Variants in SYT1 observed in about 807,000 individuals in gnomAD.
The protein encoded by SYT1 is synaptotagmin-1.
In SYT1, 8 loss-of-function variants were observed where a neutral mutation model predicts 44.8. The observed-to-expected ratio is 0.18, with a 90% confidence interval of 0.10 to 0.32. The LOEUF is 0.32. Ranked by LOEUF, SYT1 falls within the 10% of genes least tolerant of loss-of-function variation. The pLI is 1.00. For missense variants in SYT1, 286 were observed against 509.3 expected (o/e 0.56, Z 4.22); for synonymous variants, 154 against 188.8 (o/e 0.82, Z 1.51).
At chr12:79,118,833 C>T (rs1453613495) in intron 3 of SYT1, among the ~76,000 whole-genome samples, 1 of 152,178 alleles carries the variant, frequency 6.6e-6, no homozygotes, top group Non-Finnish European at 1.5e-5. Context: ...CATCTCTTTA[C>T]TTGGTTTCAA....
chr12:79,056,518 G>A (rs1320182319), intron 3 of SYT1, among the ~76,000 whole-genome samples: 1 of 151,878 alleles, frequency 6.6e-6, no homozygotes, highest in Non-Finnish European at 1.5e-5. Flanking sequence ...CGATGTGAAG[G>A]GTAGCAAAAA....
chr12:79,166,503 G>A (rs1293364992), intron 3 of SYT1, among the ~76,000 whole-genome samples: 1 of 151,846 alleles, frequency 6.6e-6, no homozygotes, highest in African/African-American at 2.4e-5. Flanking sequence ...GAATATTTTA[G>A]GGAGAAAAAA....
chr12:79,426,113 G>A (rs12829398), intron 9 of SYT1, among the ~76,000 whole-genome samples: 5,802 of 151,322 alleles, frequency 0.038, 167 homozygotes, highest in Middle Eastern at 0.076. Flanking sequence ...TCTGAAACCA[G>A]ACTTGGAGTC....
At chr12:79,272,278 T>C (rs1360970047) in intron 4 of SYT1, among the ~76,000 whole-genome samples, 2 of 152,144 alleles carry the variant, frequency 1.3e-5, no homozygotes, top group African/African-American at 4.8e-5. Context: ...CAGAGGACTT[T>C]GAACACTGTG....
intron 1 of SYT1, among the ~76,000 whole-genome samples, chr12:78,889,383 C>T (rs751424278): frequency 3.3e-5 from 5 of 151,890 alleles, no homozygotes; most frequent in Non-Finnish European, 7.4e-5. Context: ...AAACACATTT[C>T]CTTGGTTGAG....
intron 5 of SYT1, among the ~76,000 whole-genome samples, chr12:79,286,260 T>C (rs1247174652): frequency 1.3e-5 from 2 of 152,230 alleles, no homozygotes; most frequent in Non-Finnish European, 2.9e-5. Context: ...TGATTACATC[T>C]GTTTAACCAG....
At chr12:79,199,817 A>C (rs1299297231) in intron 3 of SYT1, among the ~76,000 whole-genome samples, 1 of 152,132 alleles carries the variant, frequency 6.6e-6, no homozygotes, top group East Asian at 1.9e-4. Flanking sequence ...AATGTTAATA[A>C]AATCCTATCC....
At chr12:79,194,750 G>T (rs1021397988) in intron 3 of SYT1, among the ~76,000 whole-genome samples, 1 of 152,050 alleles carries the variant, frequency 6.6e-6, no homozygotes, top group Admixed American at 6.6e-5. Flanking sequence ...CTGTGTGATT[G>T]TACATCATTC....
intron 1 of SYT1, among the ~76,000 whole-genome samples, chr12:78,880,244 G>C (rs1874380394): frequency 1.3e-5 from 2 of 151,576 alleles, no homozygotes; most frequent in South Asian, 4.2e-4. Flanking sequence ...TCCTGCCTCA[G>C]ATCCTTTGTT....
intron 9 of SYT1, among the ~76,000 whole-genome samples, chr12:79,388,374 G>GACTA (rs1884521552): frequency 6.6e-6 from 1 of 151,990 alleles, no homozygotes; most frequent in South Asian, 2.1e-4. Context: ...TCAGGTGAGG[G>GACTA]ACTATGTGTT....
chr12:79,135,716 T>C (rs1869145473), intron 3 of SYT1, among the ~76,000 whole-genome samples: 2 of 152,132 alleles, frequency 1.3e-5, no homozygotes, highest in Non-Finnish European at 2.9e-5. Context: ...AAGGCACTCA[T>C]TGGAACATCA....
At position 79,362,558 on chromosome 12, in the gene SYT1, A is replaced by G. The variant is rs140545324; in HGVS notation, c.928+8939A>G. On this transcript the variant is annotated intron_variant, in intron 9 of 10. Transcript: ENST00000261205. Reference sequence around the variant, plus strand: ...CAGAGTTTTGGTTGTTCACCTCAGAAAAGACAGTGGTATTAGATGACTATC... The same window carrying G: ...CAGAGTTTTGGTTGTTCACCTCAGAGAAGACAGTGGTATTAGATGACTATC... 3.3e-3 allele frequency among the ~76,000 whole-genome samples: 501 copies of G among 152,276 alleles called. 4 individuals carry two copies. Among genetic ancestry groups the G allele is most frequent in the African/African-American group, 9.9e-3 (411 of 41,554 alleles).
chr12:79,167,868 A>G (rs73357434), intron 3 of SYT1, among the ~76,000 whole-genome samples: 1,582 of 152,100 alleles, frequency 0.01, 31 homozygotes, highest in African/African-American at 0.036. Context: ...GTTGCATGTC[A>G]GGTCATCAGG....
intron 3 of SYT1, among the ~76,000 whole-genome samples, chr12:79,185,339 T>G (rs1160503877): frequency 6.6e-6 from 1 of 152,040 alleles, no homozygotes; most frequent in African/African-American, 2.4e-5. Flanking sequence ...GCAGTTCTAT[T>G]GAGCCTGGTA....
At chr12:79,439,533 G>T (rs1301330922) in intron 9 of SYT1, among the ~76,000 whole-genome samples, 2 of 152,084 alleles carry the variant, frequency 1.3e-5, no homozygotes, top group Admixed American at 6.6e-5. Flanking sequence ...GCTAATGGTG[G>T]TTACCAATTC....
chr12:79,413,313 T>C (rs1484791642), intron 9 of SYT1, among the ~76,000 whole-genome samples: 2 of 152,210 alleles, frequency 1.3e-5, no homozygotes, highest in Admixed American at 6.5e-5. Flanking sequence ...GACTTGACTG[T>C]CAAGCTCTTG....
chr12:79,407,424 CCCA>C (rs1425387469), intron 9 of SYT1, among the ~76,000 whole-genome samples: 1 of 152,066 alleles, frequency 6.6e-6, no homozygotes, highest in African/African-American at 2.4e-5. Context: ...GTCTCACTTC[CCCA>C]CCACAACTGA....
At chr12:79,261,722 T>C (rs1436525892) in intron 4 of SYT1, among the ~76,000 whole-genome samples, 1 of 152,216 alleles carries the variant, frequency 6.6e-6, no homozygotes, top group Non-Finnish European at 1.5e-5. Context: ...CAAGTATTCA[T>C]AGGTATCACC....
chr12:78,873,324 T>C (rs576055046), intron 1 of SYT1, among the ~76,000 whole-genome samples: 3 of 151,872 alleles, frequency 2.0e-5, no homozygotes, highest in Admixed American at 6.6e-5. Context: ...AACATCATTA[T>C]TGAGTATAAG....
Sources: gnomAD v4.1 joint callset for allele counts (sites outside exome capture counted in the v4.1 genomes callset) on GRCh38, gnomAD v4.1.1 for gene constraint, MANE v1.5 for transcripts, NCBI Gene and HGNC (gene_info 2026-07-23, HGNC 2026-07-21) for gene names.